KIF13B: variants seen among roughly 807,000 people sequenced by gnomAD.
KIF13B encodes the protein kinesin-like protein KIF13B.
In KIF13B, 127 loss-of-function variants were observed where a neutral mutation model predicts 222.0. The observed-to-expected ratio is 0.57, with a 90% confidence interval of 0.50 to 0.66. The LOEUF is 0.66. Ranked by LOEUF, KIF13B falls within the 30% of genes least tolerant of loss-of-function variation. The pLI, the probability that KIF13B is intolerant of heterozygous loss-of-function variation, is 0.00. For missense variants in KIF13B, 2,173 were observed against 2,379.0 expected (o/e 0.91, Z 1.80); for synonymous variants, 976 against 919.0 (o/e 1.06, Z -1.12).
At chr8:29,103,179 T>A (rs545173923) in intron 35 of KIF13B, among the ~76,000 whole-genome samples, 14 of 151,136 alleles carry the variant, frequency 9.3e-5, no homozygotes, top group African/African-American at 3.4e-4. Flanking sequence ...GAGGCGGAGC[T>A]TGCAGTGAGC....
At chr8:29,160,474 T>C (rs1811725439) in intron 13 of KIF13B, among the ~76,000 whole-genome samples, 1 of 152,226 alleles carries the variant, frequency 6.6e-6, no homozygotes, top group Non-Finnish European at 1.5e-5. Flanking sequence ...ATCTACTTAA[T>C]TCCCTGATAC....
intron 33 of KIF13B, among the ~76,000 whole-genome samples, chr8:29,109,717 A>G (rs921174930): frequency 1.3e-5 from 2 of 152,210 alleles, no homozygotes; most frequent in Non-Finnish European, 2.9e-5. Context: ...ATGTACCCAT[A>G]AACAGACTTT....
intron 35 of KIF13B, among the ~76,000 whole-genome samples, chr8:29,103,174 G>A (rs1808877018): frequency 1.3e-5 from 2 of 151,404 alleles, no homozygotes; most frequent in African/African-American, 4.9e-5. Context: ...CCCAGGAGGC[G>A]GAGCTTGCAG....
chr8:29,125,872 G>A (rs1810084723), intron 26 of KIF13B, among the ~76,000 whole-genome samples: 1 of 152,170 alleles, frequency 6.6e-6, no homozygotes, highest in Admixed American at 6.5e-5. Context: ...ACTTTGGGAA[G>A]CCTAGGCGGG....
chr8:29,090,551 A>G (rs369039686), intron 37 of KIF13B, among the ~76,000 whole-genome samples: 2 of 152,104 alleles, frequency 1.3e-5, no homozygotes, highest in South Asian at 2.1e-4. Context: ...GGATGAGGAC[A>G]AGGCGGTGTG....
chr8:29,242,759 G>A (rs774213090), intron 2 of KIF13B, among the ~76,000 whole-genome samples: 4 of 152,168 alleles, frequency 2.6e-5, no homozygotes, highest in African/African-American at 9.7e-5. Flanking sequence ...ACGTCCTTTC[G>A]TTCTTATCCT....
rs930688986 is a variant in KIF13B, at chr8:29,070,025, G to T, written c.*479C>A. ...CACTTTGCGGGAAACTGGGACCAGG[G>T]TGGGAGGCTGGGGGGCTTGCGGAGT... is the stretch of plus-strand genomic sequence containing the variant. On this transcript the variant is annotated 3_prime_UTR_variant, in exon 40 of 40. Coordinates refer to ENST00000524189, the MANE Select transcript of KIF13B (RefSeq NM_015254.4). The surrounding 1 kb of genome is among the most constrained non-coding windows in gnomAD (Gnocchi z 4.1). 4.4e-5 allele frequency: 7 copies of T among 159,674 alleles called. No individual in the cohort carries two copies. Among genetic ancestry groups the T allele is most frequent in the Non-Finnish European group, 9.5e-5 (7 of 73,530 alleles). The allele number at this position is 159,674 out of a possible 1,614,324, so 9.9% of individuals were successfully genotyped here. A position where few individuals can be genotyped will look rare whatever the true frequency, so the allele number is the denominator to read the frequency against.
intron 6 of KIF13B, among the ~76,000 whole-genome samples, chr8:29,182,431 C>T (rs1328503969): frequency 2.0e-5 from 3 of 152,174 alleles, no homozygotes; most frequent in Non-Finnish European, 4.4e-5. Flanking sequence ...AAATACAAAA[C>T]TGGGCTTATC....
chr8:29,186,830 G>A (rs117664115), intron 5 of KIF13B, among the ~76,000 whole-genome samples: 14,570 of 151,600 alleles, frequency 0.096, 1,004 homozygotes, highest in Non-Finnish European at 0.14. Context: ...TTAGCCATGC[G>A]TGACGGCACG....
chr8:29,110,019 C>T lies in KIF13B; in HGVS notation c.3982G>A (p.Val1328Ile). The T allele has an allele frequency of 1.9e-6, 3 of 1,590,234 alleles. No individual in the cohort carries two copies. The highest frequency in any genetic ancestry group is 1.7e-6 in the Non-Finnish European group (2 of 1,167,824). ...GAGTCAGCAGAAGCTGGGTTTTCAA[C>T]ATTGGCTGCCATTCTTGCTAATGCT... ...REALARMAAN[V>I]ENPASADSEA... is the part of the protein sequence containing the mutation. The change falls in exon 33 of 40, where the codon GTT becomes ATT. Residue 1328 changes from valine (V) to isoleucine (I), a missense_variant. Physicochemically the swap from Val to Ile is conservative, Grantham distance 29. Around this residue, in one of 2 missense-constraint regions of KIF13B, gnomAD observed 1,480 missense variants for 1,722.8 expected, o/e 0.86. Coordinates refer to ENST00000524189, the MANE Select transcript of KIF13B (RefSeq NM_015254.4).
At chr8:29,201,151 C>G (rs1813676117) in intron 2 of KIF13B, among the ~76,000 whole-genome samples, 1 of 152,170 alleles carries the variant, frequency 6.6e-6, no homozygotes, top group Non-Finnish European at 1.5e-5. Context: ...TACTATCTCC[C>G]AAATAGTGAC....
At chr8:29,223,937 C>T (rs1395954039) in intron 2 of KIF13B, among the ~76,000 whole-genome samples, 2 of 150,296 alleles carry the variant, frequency 1.3e-5, no homozygotes, top group Non-Finnish European at 3.0e-5. Context: ...GTGATCCGCC[C>T]GCCTCAGCCT....
intron 17 of KIF13B, 47 bp downstream of exon 17, chr8:29,147,345 T>C (rs1563740061): frequency 2.1e-6 from 3 of 1,400,074 alleles, no homozygotes; most frequent in Admixed American, 3.9e-5. Flanking sequence ...GTGTTAGAGG[T>C]GGCAAGCCTG....
chr8:29,144,117 A>AT (rs1212114585), intron 18 of KIF13B, among the ~76,000 whole-genome samples: 1 of 151,960 alleles, frequency 6.6e-6, no homozygotes, highest in African/African-American at 2.4e-5. Context: ...TACTGGCTTA[A>AT]TTTTTCAAAT....
At chr8:29,130,763 C>T (rs563096690) in intron 23 of KIF13B, 98 bp from the exon 24 acceptor site, 30 of 1,078,020 alleles carry the variant, frequency 2.8e-5, no homozygotes, top group Admixed American at 2.2e-4. Context: ...TGAAAATGAC[C>T]TCCAAACAGA....
upstream of KIF13B, chr8:29,263,147 C>G (rs556993636): frequency 7.2e-4 from 337 of 466,094 alleles, 1 homozygote; most frequent in African/African-American, 6.2e-3. Context: ...GGGGACCGGG[C>G]TGGGGGCGGG....
intron 34 of KIF13B, among the ~76,000 whole-genome samples, chr8:29,108,728 ACTC>A (rs1213727571): frequency 6.6e-6 from 1 of 151,562 alleles, no homozygotes. Flanking sequence ...CCAGCGTGAA[ACTC>A]CTCCTATCAC....
chr8:29,244,482 C>T (rs888777238), intron 2 of KIF13B, among the ~76,000 whole-genome samples: 2 of 152,206 alleles, frequency 1.3e-5, no homozygotes, highest in Non-Finnish European at 2.9e-5. Context: ...TCTGATACAG[C>T]TGATCTCCAG....
chr8:29,076,540 C>G (rs1484839197), intron 37 of KIF13B, among the ~76,000 whole-genome samples: 1 of 152,212 alleles, frequency 6.6e-6, no homozygotes, highest in Non-Finnish European at 1.5e-5. Flanking sequence ...CCGCCCAGGC[C>G]TTCCTTCCTA....
Sources: gnomAD v4.1 joint callset for allele counts (sites outside exome capture counted in the v4.1 genomes callset) on GRCh38, gnomAD v4.1.1 for gene constraint, gnomAD v4.1.1 regional missense constraint, Gnocchi (gnomAD v3.1) non-coding constraint, MANE v1.5 for transcripts, NCBI Gene and HGNC (gene_info 2026-07-23, HGNC 2026-07-21) for gene names.